Variants in VCAM1 observed in about 807,000 individuals in gnomAD.
VCAM1 encodes the protein vascular cell adhesion molecule 1.
A neutral mutation model predicts 63.8 loss-of-function variants in VCAM1; 41 were observed. That is an observed-to-expected ratio of 0.64 (90% confidence interval 0.50 to 0.83). VCAM1 has a LOEUF of 0.83. Among genes scored for constraint, VCAM1 ranks in the 40% least tolerant of loss-of-function variants. The probability of loss-of-function intolerance (pLI) is 0.00; values close to 1 mark genes in which losing one functional copy is unlikely to be tolerated. For synonymous variants in VCAM1, 338 were observed against 320.7 expected (o/e 1.05, Z -0.58); for missense variants, 798 against 875.5 (o/e 0.91, Z 1.12).
intron 2 of VCAM1, 58 bp downstream of exon 2, chr1:100,720,809 A>G: frequency 6.6e-7 from 1 of 1,525,444 alleles, no homozygotes; most frequent in East Asian, 2.3e-5. Flanking sequence ...ATCACTTTTT[A>G]AAAATGATAT....
Position 100,724,875 on chromosome 1 carries a change from GAATT to G in VCAM1, c.918_921del (p.Ile307PhefsTer26). 6.2e-7 allele frequency: 1 copy of G among 1,612,460 alleles called. No individual in the cohort carries two copies. The highest frequency in any genetic ancestry group is 8.5e-7 in the Non-Finnish European group (1 of 1,179,084). ...GATTGGGAAAAACAGAAAAGAGGTG[GAATT>G]AATTGTTCAAGGTGAGTAGAATGTG... is the stretch of plus-strand genomic sequence containing the variant. On this transcript the variant is annotated frameshift_variant, in exon 4 of 9. Coordinates refer to ENST00000294728, the MANE Select transcript of VCAM1 (RefSeq NM_001078.4). LOFTEE classifies it high-confidence loss of function.
At chr1:100,727,426 C>G (rs1318481135) in intron 4 of VCAM1, among the ~76,000 whole-genome samples, 1 of 151,888 alleles carries the variant, frequency 6.6e-6, no homozygotes, top group Non-Finnish European at 1.5e-5. Flanking sequence ...TCTCAAGTGA[C>G]CAGGAAAGAT....
rs185739807 is a variant in VCAM1 at position 100,728,335 on chromosome 1, T to C, written c.929-772T>C. ...ACTTTGATTTCAGGATGATGCTATG[T>C]GACTTTCAGTGGTATAACTGTATTA... On this transcript the variant is annotated intron_variant, in intron 4 of 8. Coordinates refer to ENST00000294728, the MANE Select transcript of VCAM1 (RefSeq NM_001078.4). Among the ~76,000 whole-genome samples the C allele has an allele frequency of 1.8e-3, 274 of 152,246 alleles. 3 individuals carry two copies. Among genetic ancestry groups the C allele is most frequent in the African/African-American group, 6.3e-3 (261 of 41,578 alleles).
At position 100,720,636 on chromosome 1, in the gene VCAM1, G is replaced by T; in HGVS notation, c.225G>T (p.Gly75=). The change falls in exon 2 of 9, where the codon GGG becomes GGT. Residue 75 remains glycine (G), a synonymous_variant. Transcript: ENST00000294728. ...SPLNGKVTNE[G]TTSTLTMNPV... ...TGAATGGGAAGGTGACGAATGAGGGGACCACATCTACGCTGACAATGAATC... is the reference window on the plus strand; with the variant it reads ...TGAATGGGAAGGTGACGAATGAGGGTACCACATCTACGCTGACAATGAATC... The T allele has an allele frequency of 6.2e-7, 1 of 1,613,158 alleles. No individual in the cohort carries two copies. The highest frequency in any genetic ancestry group is 1.7e-5 in the Admixed American group (1 of 59,868).
intron 2 of VCAM1, among the ~76,000 whole-genome samples, chr1:100,721,887 T>C (rs540211353): frequency 6.6e-6 from 1 of 152,246 alleles, no homozygotes; most frequent in South Asian, 2.1e-4. Context: ...AAATTATTGC[T>C]GGAAAAATGA....
At chr1:100,728,017 T>TG (rs3917046) in intron 4 of VCAM1, among the ~76,000 whole-genome samples, 3 of 152,024 alleles carry the variant, frequency 2.0e-5, no homozygotes, top group Non-Finnish European at 2.9e-5. Context: ...GTGATTTTTA[T>TG]GGGGGGGTCT....
In VCAM1 at chr1:100,720,823, A is replaced by T. The variant is rs3917030; in HGVS notation, c.340+72A>T. 244 of 1,496,580 alleles carry T rather than the reference A, an allele frequency of 1.6e-4. 1 individual carries two copies. In the African/African-American group the frequency reaches 3.1e-3, roughly 19 times the overall value. The allele number at this position is 1,496,580 out of a possible 1,614,324, so 92.7% of individuals were successfully genotyped here. A position where few individuals can be genotyped will look rare whatever the true frequency, so the allele number is the denominator to read the frequency against. On this transcript the variant is annotated intron_variant, in intron 2 of 8. Coordinates refer to ENST00000294728, the MANE Select transcript of VCAM1 (RefSeq NM_001078.4). ...AATCACTTTTTAAAAATGATATTTT[A>T]AAAAAAGTTTTAAAATGGATATTCA...
intron 4 of VCAM1, 142 bp downstream of exon 4, chr1:100,725,032 T>G (rs1660112922): frequency 5.4e-6 from 6 of 1,120,862 alleles, no homozygotes; most frequent in Middle Eastern, 3.1e-4. Context: ...CACAAATATA[T>G]GTTTATCTTA....
In VCAM1 at chr1:100,724,804, T is replaced by A. The variant is rs754390004; in HGVS notation, c.842T>A (p.Met281Lys). Residue 281 changes from methionine to lysine, a missense_variant, in exon 4 of 9, where the codon ATG (methionine) becomes AAG (lysine). By Grantham distance (95) the Met-to-Lys change is moderately conservative (BLOSUM62 -1). Coordinates refer to ENST00000294728, the MANE Select transcript of VCAM1 (RefSeq NM_001078.4). ...SGNATLTLIA[M>K]RMEDSGIYVC... ...AATGCAACTCTCACCTTAATTGCTA[T>A]GAGGATGGAAGATTCTGGAATTTAT... 14 of 1,613,006 alleles carry A rather than the reference T, an allele frequency of 8.7e-6. 1 individual carries two copies. The South Asian group carries it at 1.3e-4, about 15-fold the overall frequency.
Position 100,724,771 on chromosome 1 carries a change from T to C in VCAM1, c.809T>C (p.Leu270Pro). The C allele has an allele frequency of 6.2e-7, 1 of 1,613,026 alleles. No individual in the cohort carries two copies. The highest frequency in any genetic ancestry group is 8.5e-7 in the Non-Finnish European group (1 of 1,179,438). Reference protein sequence around the residue: ...KKLDNGNLQHLSGNATLTLIA... With the variant: ...KKLDNGNLQHPSGNATLTLIA... ...TTAGATAATGGGAATCTACAGCACC[T>C]TTCTGGAAATGCAACTCTCACCTTA... Residue 270 changes from leucine (L) to proline (P), a missense_variant, in exon 4 of 9, where the codon CTT becomes CCT. Coordinates refer to ENST00000294728, the MANE Select transcript of VCAM1 (RefSeq NM_001078.4).
chr1:100,719,991 T>C, intron 1 of VCAM1, 67 bp downstream of exon 1: 1 of 1,561,794 alleles, frequency 6.4e-7, no homozygotes, highest in Non-Finnish European at 8.8e-7. Context: ...TTGGCTTCAG[T>C]CAGTTTTGCG....
At chr1:100,734,208 C>T (rs780720527) in intron 7 of VCAM1, among the ~76,000 whole-genome samples, 2 of 152,126 alleles carry the variant, frequency 1.3e-5, no homozygotes, top group African/African-American at 4.8e-5. Flanking sequence ...CAAGTTGAGA[C>T]CTGGATGGGG....
intron 4 of VCAM1, among the ~76,000 whole-genome samples, chr1:100,725,951 A>G (rs1018508703): frequency 1.3e-5 from 2 of 151,990 alleles, no homozygotes; most frequent in African/African-American, 4.8e-5. Context: ...AATATACAAT[A>G]TATTATCATT....
intron 8 of VCAM1, 108 bp from the exon 9 acceptor site, chr1:100,738,015 T>G: frequency 8.0e-7 from 1 of 1,257,354 alleles, no homozygotes; most frequent in South Asian, 1.5e-5. Context: ...TTTGATTCCC[T>G]TCTCTTTGGA....
At chr1:100,727,347 CT>C (rs1660202327) in intron 4 of VCAM1, among the ~76,000 whole-genome samples, 1 of 151,920 alleles carries the variant, frequency 6.6e-6, no homozygotes, top group African/African-American at 2.4e-5. Context: ...GGTATTTAAA[CT>C]TGGATGATTA....
chr1:100,732,804 A>G (rs1017476237), intron 7 of VCAM1, 120 bp downstream of exon 7: 1 of 1,151,118 alleles, frequency 8.7e-7, no homozygotes, highest in Non-Finnish European at 1.2e-6. Context: ...AGGGTTTTGA[A>G]GAGTTTATGA....
chr1:100,733,333 A>G (rs3917064), intron 7 of VCAM1, among the ~76,000 whole-genome samples: 1,859 of 152,260 alleles, frequency 0.012, 48 homozygotes, highest in African/African-American at 0.043. Flanking sequence ...GATTTCCTCT[A>G]TCCCATCCCT....
intron 8 of VCAM1, chr1:100,736,052 C>T (rs1409262687): frequency 6.6e-6 from 1 of 152,130 alleles, no homozygotes; most frequent in African/African-American, 2.4e-5. Flanking sequence ...TTAATTAAGC[C>T]TAGCCCTGGG....
rs1463574205 is a variant in VCAM1 at position 100,719,835 on chromosome 1, T to C, written c.-26T>C. 1.9e-6 allele frequency: 3 copies of C among 1,609,178 alleles called. No homozygotes were observed. The highest frequency in any genetic ancestry group is 2.5e-6 in the Non-Finnish European group (3 of 1,176,678). On this transcript the variant is annotated 5_prime_UTR_variant, in exon 1 of 9. Coordinates refer to ENST00000294728, the MANE Select transcript of VCAM1 (RefSeq NM_001078.4). ...ACAAATAAGGGTTTTGGAACCACTA[T>C]TTTCTCATCACGACAGCAACTTAAA...
Sources: allele counts gnomAD v4.1 joint callset (sites outside exome capture counted in the v4.1 genomes callset), GRCh38; gene constraint gnomAD v4.1.1; transcripts MANE v1.5; gene names NCBI Gene and HGNC (gene_info 2026-07-23, HGNC 2026-07-21).